SLC39A3: variants seen among roughly 807,000 people sequenced by gnomAD.
SLC39A3 encodes the protein zinc transporter ZIP3.
A neutral mutation model predicts 5.1 loss-of-function variants in SLC39A3; 3 were observed. The ratio of observed to expected loss-of-function variants is 0.59; its 90% CI spans 0.27 to 1.54. SLC39A3 has a LOEUF of 1.54. Among genes scored for constraint, SLC39A3 ranks in the 40% most tolerant of loss-of-function variants. The pLI is 0.12. For synonymous variants in SLC39A3, 250 were observed against 218.8 expected, an observed-to-expected ratio of 1.14 and a Z score of -1.26; for missense variants, 412 against 436.4, an observed-to-expected ratio of 0.94 and a Z score of 0.50.
rs1914229081 is a variant in SLC39A3 at position 2,732,646 on chromosome 19, G to C, written c.*105C>G. Reference sequence around the variant, plus strand: ...CCCCTTGTGCACAGGTGGTGGCCCAGGGCCACAGTGCTCGCTCTTGGGGGA... The same window carrying C: ...CCCCTTGTGCACAGGTGGTGGCCCACGGCCACAGTGCTCGCTCTTGGGGGA... On this transcript the variant is annotated 3_prime_UTR_variant, in exon 3 of 3. Coordinates refer to ENST00000269740, the MANE Select transcript of SLC39A3 (RefSeq NM_144564.5). 5 of 1,431,948 alleles carry C rather than the reference G, an allele frequency of 3.5e-6. No homozygotes were observed. The East Asian group carries it at 1.3e-4, about 37-fold the overall frequency. The allele number at this position is 1,431,948 out of a possible 1,614,324, so 88.7% of individuals were successfully genotyped here.
In SLC39A3 at chr19:2,735,917, G is replaced by A; in HGVS notation, c.210+1131C>T. The A allele has an allele frequency of 1.0e-6, 1 of 985,538 alleles. No individual in the cohort carries two copies. The highest frequency in any genetic ancestry group is 1.2e-6 in the Non-Finnish European group (1 of 830,002). The allele number at this position is 985,538 out of a possible 1,614,324, so 61.0% of individuals were successfully genotyped here. A position where few individuals can be genotyped will look rare whatever the true frequency, so the allele number is the denominator to read the frequency against. ...AGGCACGAGGAAAAGCAGGGCCAGGGGTTGGGGGATAAGCTTAGGGCTTCC... is the reference window on the plus strand; with the variant it reads ...AGGCACGAGGAAAAGCAGGGCCAGGAGTTGGGGGATAAGCTTAGGGCTTCC... On this transcript the variant is annotated intron_variant, in intron 2 of 2. Transcript: ENST00000269740. This position sits in a 1 kb window ranked among gnomAD's most constrained non-coding sequence, Gnocchi z 5.7.
intron 1 of SLC39A3, 182 bp from the exon 2 acceptor site, chr19:2,737,561 A>C: frequency 9.0e-6 from 3 of 334,480 alleles, no homozygotes; most frequent in South Asian, 3.7e-5. Flanking sequence ...ACGCGCCACC[A>C]CTCCCAGCTA....
In SLC39A3 at chr19:2,733,758, A is replaced by G. The variant is rs935620085; in HGVS notation, c.211-273T>C. Among the ~76,000 whole-genome samples the G allele has an allele frequency of 3.9e-5, 6 of 152,048 alleles. No homozygotes were observed. Among genetic ancestry groups the G allele is most frequent in the African/African-American group, 4.8e-5 (2 of 41,400 alleles). ...GGAGTTCGAGACCAGCCTGGCCAAT[A>G]TGGGGAAACATGTTTCTACTAAAAA... On this transcript the variant is annotated intron_variant, in intron 2 of 2. Coordinates refer to ENST00000269740, the MANE Select transcript of SLC39A3 (RefSeq NM_144564.5). This position sits in a 1 kb window ranked among gnomAD's most constrained non-coding sequence, Gnocchi z 6.1.
Position 2,735,856 on chromosome 19 carries a change from C to G in SLC39A3, c.210+1192G>C. On this transcript the variant is annotated intron_variant, in intron 2 of 2. Coordinates refer to ENST00000269740, the MANE Select transcript of SLC39A3 (RefSeq NM_144564.5). This position sits in a 1 kb window ranked among gnomAD's most constrained non-coding sequence, Gnocchi z 5.7. ...CACTAACAGGCTCAGATGATTTAAT[C>G]CCAGACAACAGCCCTTCTCCTCCTT... 2.0e-6 allele frequency: 2 copies of G among 985,542 alleles called. No individual in the cohort carries two copies. The highest frequency in any genetic ancestry group is 2.4e-6 in the Non-Finnish European group (2 of 830,038). The allele number at this position is 985,542 out of a possible 1,614,324, so 61.0% of individuals were successfully genotyped here.
intron 2 of SLC39A3, chr19:2,736,184 G>A (rs1189448675): frequency 2.0e-6 from 2 of 985,452 alleles, no homozygotes; most frequent in Admixed American, 6.1e-5. Flanking sequence ...AGGAGTTGGG[G>A]TGGACAGACT....
At chr19:2,737,606 A>G in intron 1 of SLC39A3, 1 of 246,042 alleles carries the variant, frequency 4.1e-6, no homozygotes, top group Non-Finnish European at 8.1e-6. Context: ...ACGAGGTTTC[A>G]TCATGTTGGC....
At position 2,733,274 on chromosome 19, in the gene SLC39A3, G is replaced by A. The variant is rs151338808; in HGVS notation, c.422C>T (p.Ala141Val). The change falls in exon 3 of 3, where the codon GCG becomes GTG. Residue 141 changes from alanine to valine, a missense_variant. Coordinates refer to ENST00000269740, the MANE Select transcript of SLC39A3 (RefSeq NM_144564.5). This position sits in a 1 kb window ranked among gnomAD's most constrained non-coding sequence, Gnocchi z 6.1. ...CTCCACGTACAGCGCGTGGCCCCGC[G>A]CGCCCCCCATGAAGGGGCTCTCATA... ...SEYESPFMGG[A>V]RGHALYVEPH... 31 of 1,612,568 alleles carry A rather than the reference G, an allele frequency of 1.9e-5. No homozygotes were observed. The highest frequency in any genetic ancestry group is 1.6e-4 in the Middle Eastern group (1 of 6,084).
intron 2 of SLC39A3, chr19:2,736,317 GA>G: frequency 5.0e-6 from 2 of 396,438 alleles, no homozygotes; most frequent in Non-Finnish European, 6.9e-6. Context: ...GAGGGGAAGG[GA>G]TACCCTGTCA....
rs949517971 is a variant in SLC39A3 at position 2,735,305 on chromosome 19, T to C, written c.210+1743A>G. On this transcript the variant is annotated intron_variant, in intron 2 of 2. Transcript: ENST00000269740. This position sits in a 1 kb window ranked among gnomAD's most constrained non-coding sequence, Gnocchi z 5.7. ...CACGCGGAACAGCAGGAATGCGGTG[T>C]CTCGGCTCTGAACGGTGGAAATCCA... 11 of 768,216 alleles carry C rather than the reference T, an allele frequency of 1.4e-5. No individual in the cohort carries two copies. The African/African-American group carries it at 2.1e-4, about 14-fold the overall frequency. 47.6% of individuals were successfully genotyped at this position (768,216 alleles called of 1,614,324 possible). A position where few individuals can be genotyped will look rare whatever the true frequency, so the allele number is the denominator to read the frequency against.
Position 2,732,672 on chromosome 19 carries a change from C to A in SLC39A3, c.*79G>T. On this transcript the variant is annotated 3_prime_UTR_variant, in exon 3 of 3. Coordinates refer to ENST00000269740, the MANE Select transcript of SLC39A3 (RefSeq NM_144564.5). ...GGCCACAGTGCTCGCTCTTGGGGGA[C>A]GCGCGGCCGGGGGACGCGGCCTGTG... 7.0e-7 allele frequency: 1 copy of A among 1,426,328 alleles called. No homozygotes were observed. Among genetic ancestry groups the A allele is most frequent in the Non-Finnish European group, 9.1e-7 (1 of 1,096,444 alleles). The allele number at this position is 1,426,328 out of a possible 1,614,324, so 88.4% of individuals were successfully genotyped here.
rs201755612 is a variant in SLC39A3 at position 2,733,034 on chromosome 19, C to A, written c.662G>T (p.Arg221Leu). 3.7e-6 allele frequency: 6 copies of A among 1,607,678 alleles called. No individual in the cohort carries two copies. In the African/African-American group the frequency reaches 5.4e-5, roughly 14 times the overall value. ...VAVALGISMA[R>L]SAMPLRDAAK... The stretch of plus-strand genomic sequence containing the variant: ...CGCGTCCCGCAGGGGCATGGCACTC[C>A]GGGCCATGCTGATGCCCAGGGCCAC... Residue 221 changes from arginine (R) to leucine (L), a missense_variant, in exon 3 of 3, where the codon CGG becomes CTG. Transcript: ENST00000269740. The surrounding 1 kb of genome is among the most constrained non-coding windows in gnomAD (Gnocchi z 6.1).
chr19:2,736,681 C>T (rs1914378955), intron 2 of SLC39A3: 2 of 1,331,302 alleles, frequency 1.5e-6, no homozygotes, highest in Non-Finnish European at 1.9e-6. Flanking sequence ...TCCTAAGGTG[C>T]TCAGTTTGCT....
intron 1 of SLC39A3, 193 bp from the exon 2 acceptor site, chr19:2,737,572 A>AT (rs918737766): frequency 3.4e-5 from 11 of 327,266 alleles, no homozygotes; most frequent in East Asian, 1.4e-4. Flanking sequence ...CTCCCAGCTA[A>AT]TTTTTTTTGT....
Position 2,735,876 on chromosome 19 carries a change from C to T in SLC39A3, c.210+1172G>A. On this transcript the variant is annotated intron_variant, in intron 2 of 2. Transcript: ENST00000269740. The surrounding 1 kb of genome is among the most constrained non-coding windows in gnomAD (Gnocchi z 5.7). ...TTAATCCCAGACAACAGCCCTTCTC[C>T]TCCTTTCTGGACACTAGGCACGAGG... The T allele has an allele frequency of 4.1e-6, 4 of 985,510 alleles. No individual in the cohort carries two copies. Among genetic ancestry groups the T allele is most frequent in the Non-Finnish European group, 4.8e-6 (4 of 829,992 alleles). 61.0% of individuals were successfully genotyped at this position (985,510 alleles called of 1,614,324 possible).
chr19:2,737,857 C>A (rs752509175), intron 1 of SLC39A3: 1 of 152,178 alleles, frequency 6.6e-6, no homozygotes, highest in Non-Finnish European at 1.5e-5. Context: ...CTCTAGAGAA[C>A]CCTGACTAAT....
At position 2,733,156 on chromosome 19, in the gene SLC39A3, G is replaced by C. The variant is rs1415214567; in HGVS notation, c.540C>G (p.His180Gln). Reference protein sequence around the residue: ...LLSLAFALSAHSVFEGLALGL... With the variant: ...LLSLAFALSAQSVFEGLALGL... ...CCAGGGCCAGGCCCTCAAAGACCGA[G>C]TGGGCCGACAGCGCGAAGGCCAGGC... The change falls in exon 3 of 3, where the codon CAC becomes CAG. Residue 180 changes from histidine (H) to glutamine (Q), a missense_variant. His to Gln is a conservative substitution (Grantham distance 24). Transcript: ENST00000269740. This position sits in a 1 kb window ranked among gnomAD's most constrained non-coding sequence, Gnocchi z 6.1. 1 of 1,610,792 alleles carries C rather than the reference G, an allele frequency of 6.2e-7. No homozygotes were observed. The highest frequency in any genetic ancestry group is 8.5e-7 in the Non-Finnish European group (1 of 1,179,076).
In SLC39A3 at chr19:2,733,252, C is replaced by T. The variant is rs61736898; in HGVS notation, c.444G>A (p.Val148=). The T allele has an allele frequency of 0.14, 221,992 of 1,610,922 alleles. 16,006 individuals carry two copies. Among genetic ancestry groups the T allele is most frequent in the African/African-American group, 0.15 (11,068 of 74,988 alleles). The change falls in exon 3 of 3, where the codon GTG becomes GTA. Residue 148 remains valine, a synonymous_variant. Coordinates refer to ENST00000269740, the MANE Select transcript of SLC39A3 (RefSeq NM_144564.5). The surrounding 1 kb of genome is among the most constrained non-coding windows in gnomAD (Gnocchi z 6.1). ...GGCTGGGGCCGTGGCCGTGGGGCTC[C>T]ACGTACAGCGCGTGGCCCCGCGCGC... ...MGGARGHALY[V]EPHGHGPSLS...
In SLC39A3 at chr19:2,734,681, C is replaced by G. The variant is rs941139490; in HGVS notation, c.211-1196G>C. 2.1e-6 allele frequency: 2 copies of G among 957,748 alleles called. No homozygotes were observed. Among genetic ancestry groups the G allele is most frequent in the African/African-American group, 1.8e-5 (1 of 56,690 alleles). 59.3% of individuals were successfully genotyped at this position (957,748 alleles called of 1,614,324 possible). On this transcript the variant is annotated intron_variant, in intron 2 of 2. Transcript: ENST00000269740. This position sits in a 1 kb window ranked among gnomAD's most constrained non-coding sequence, Gnocchi z 4.6. Reference sequence around the variant, plus strand: ...ACCCACTCCAGGCCAGGAGCACCCCCCATCGTGACAACCACAATGTCCCCA... The same window carrying G: ...ACCCACTCCAGGCCAGGAGCACCCCGCATCGTGACAACCACAATGTCCCCA...
At position 2,733,268 on chromosome 19, in the gene SLC39A3, C is replaced by T. The variant is rs1318937742; in HGVS notation, c.428G>A (p.Gly143Asp). ...GTGGGGCTCCACGTACAGCGCGTGG[C>T]CCCGCGCGCCCCCCATGAAGGGGCT... ...YESPFMGGAR[G>D]HALYVEPHGH... Residue 143 changes from glycine to aspartate, a missense_variant, in exon 3 of 3, where the codon GGC becomes GAC. Transcript: ENST00000269740. The surrounding 1 kb of genome is among the most constrained non-coding windows in gnomAD (Gnocchi z 6.1). 2.5e-6 allele frequency: 4 copies of T among 1,612,362 alleles called. No homozygotes were observed. Among genetic ancestry groups the T allele is most frequent in the Non-Finnish European group, 3.4e-6 (4 of 1,179,754 alleles).
Sources: gnomAD v4.1 joint callset for allele counts (sites outside exome capture counted in the v4.1 genomes callset) on GRCh38, gnomAD v4.1.1 for gene constraint, Gnocchi (gnomAD v3.1) non-coding constraint, MANE v1.5 for transcripts, NCBI Gene and HGNC (gene_info 2026-07-23, HGNC 2026-07-21) for gene names.